The following NLRP8 variants were observed in gnomAD, a reference collection of about 807,000 sequenced individuals.
The protein encoded by NLRP8 is NACHT, LRR and PYD domains-containing protein 8.
A neutral mutation model predicts 88.7 loss-of-function variants in NLRP8; 86 were observed. The ratio of observed to expected loss-of-function variants is 0.97; its 90% CI spans 0.81 to 1.16. NLRP8 has a LOEUF of 1.16. Ranked by LOEUF, NLRP8 falls within the 50% of genes most tolerant of loss-of-function variation. NLRP8 has a pLI of 0.00. For missense variants in NLRP8, 1,342 were observed against 1,286.5 expected (o/e 1.04, Z -0.66); for synonymous variants, 504 against 494.6 (o/e 1.02, Z -0.25).
At chr19:55,986,393 C>G (rs1427527750) in intron 9 of NLRP8, among the ~76,000 whole-genome samples, 1 of 151,518 alleles carries the variant, frequency 6.6e-6, no homozygotes, top group Non-Finnish European at 1.5e-5. Context: ...CTCTCACACA[C>G]ATACACACTG....
intron 5 of NLRP8, among the ~76,000 whole-genome samples, chr19:55,968,502 A>G (rs528866635): frequency 6.6e-6 from 1 of 151,874 alleles, no homozygotes; most frequent in Admixed American, 6.6e-5. Flanking sequence ...ACACTTTGGG[A>G]GGTCAAGGTG....
At chr19:55,964,674 C>G (rs972763415) in intron 4 of NLRP8, among the ~76,000 whole-genome samples, 1 of 151,334 alleles carries the variant, frequency 6.6e-6, no homozygotes, top group African/African-American at 2.4e-5. Flanking sequence ...ATTGCTTGAA[C>G]CTGGGAAGCG....
intron 7 of NLRP8, 124 bp from the exon 8 acceptor site, chr19:55,976,009 C>A: frequency 3.1e-6 from 3 of 971,858 alleles, no homozygotes; most frequent in South Asian, 2.1e-5. Flanking sequence ...ACAAACAAAA[C>A]AAACAAATAA....
rs1043418156 is a variant in NLRP8 at position 55,972,784 on chromosome 19, T to G, written c.2535-868T>G. Among the ~76,000 whole-genome samples the G allele has an allele frequency of 2.0e-5, 3 of 147,024 alleles. No homozygotes were observed. The Admixed American group carries it at 2.1e-4, about 10-fold the overall frequency. ...TGTTCCTTTTTATGGCTGAGTAGTA[T>G]TCCATGGTGTGTGTGTGTGTGTGTA... On this transcript the variant is annotated intron_variant, in intron 6 of 9. Transcript: ENST00000291971.
chr19:55,988,504 C>T lies in NLRP8; in HGVS notation c.*591C>T, dbSNP rs764638054. On this transcript the variant is annotated 3_prime_UTR_variant, in exon 10 of 10. Transcript: ENST00000291971. Reference sequence around the variant, plus strand: ...AGTTTAAATGAAATGCTTTGAGTCACCTAAGACAGGATATAGACAAAGTCT... The same window carrying T: ...AGTTTAAATGAAATGCTTTGAGTCATCTAAGACAGGATATAGACAAAGTCT... The T allele has an allele frequency of 4.8e-5, 7 of 145,394 alleles. No individual in the cohort carries two copies. The highest frequency in any genetic ancestry group is 1.0e-4 in the Non-Finnish European group (7 of 67,108). 9.0% of individuals were successfully genotyped at this position (145,394 alleles called of 1,614,324 possible).
At chr19:55,976,083 T>A in intron 7 of NLRP8, 50 bp from the exon 8 acceptor site, 2 of 1,403,870 alleles carry the variant, frequency 1.4e-6, no homozygotes, top group Non-Finnish European at 1.9e-6. Context: ...GTTGTTGTTG[T>A]TTTGTTGTAG....
At chr19:55,957,660 G>GAA (rs58020055) in intron 3 of NLRP8, among the ~76,000 whole-genome samples, 8 of 93,480 alleles carry the variant, frequency 8.6e-5, no homozygotes, top group African/African-American at 4.5e-4. Flanking sequence ...TCTTAAAAAA[G>GAA]AAAAAATAAT....
chr19:55,965,129 T>G (rs755526157), intron 4 of NLRP8, among the ~76,000 whole-genome samples: 1 of 151,786 alleles, frequency 6.6e-6, no homozygotes, highest in Non-Finnish European at 1.5e-5. Flanking sequence ...CTACAAAAAT[T>G]TTTCTAAAAA....
At chr19:55,950,579 C>T (rs146931005) in intron 1 of NLRP8, among the ~76,000 whole-genome samples, 34 of 152,310 alleles carry the variant, frequency 2.2e-4, no homozygotes, top group African/African-American at 5.8e-4. Flanking sequence ...CAGACAGCAA[C>T]GCAGCAAAAA....
rs1980979303 is a variant in NLRP8, at chr19:55,988,521, A to G, written c.*608A>G. The G allele has an allele frequency of 6.7e-6, 1 of 150,068 alleles. No individual in the cohort carries two copies. The highest frequency in any genetic ancestry group is 2.5e-5 in the African/African-American group (1 of 40,774). 9.3% of individuals were successfully genotyped at this position (150,068 alleles called of 1,614,324 possible). A position where few individuals can be genotyped will look rare whatever the true frequency, so the allele number is the denominator to read the frequency against. On this transcript the variant is annotated 3_prime_UTR_variant, in exon 10 of 10. Coordinates refer to ENST00000291971, the MANE Select transcript of NLRP8 (RefSeq NM_176811.2). Reference sequence around the variant, plus strand: ...TTGAGTCACCTAAGACAGGATATAGACAAAGTCTTCATCGTCTTCTTGCTT... The same window carrying G: ...TTGAGTCACCTAAGACAGGATATAGGCAAAGTCTTCATCGTCTTCTTGCTT...
intron 7 of NLRP8, among the ~76,000 whole-genome samples, 173 bp downstream of exon 7, chr19:55,973,995 T>A (rs1326799787): frequency 6.6e-6 from 1 of 152,152 alleles, no homozygotes; most frequent in African/African-American, 2.4e-5. Flanking sequence ...TTATTTCTGA[T>A]TCAGGGACAA....
rs372725961 is a variant in NLRP8, at chr19:55,948,127, G to A, written c.225G>A (p.Gln75=). 1.8e-5 allele frequency: 29 copies of A among 1,614,070 alleles called. No individual in the cohort carries two copies. The highest frequency in any genetic ancestry group is 8.5e-7 in the Non-Finnish European group (1 of 1,180,042). The change falls in exon 1 of 10, where the codon CAG becomes CAA. Residue 75 remains glutamine (Q), a synonymous_variant. Coordinates refer to ENST00000291971, the MANE Select transcript of NLRP8 (RefSeq NM_176811.2). ...GCACCATGCCCATCACCTGGGACCA[G>A]GTCGAGACAGCCAGCTGGGCAGAGG...
At chr19:55,968,018 G>C (rs935060235) in intron 5 of NLRP8, among the ~76,000 whole-genome samples, 2 of 152,234 alleles carry the variant, frequency 1.3e-5, no homozygotes, top group Non-Finnish European at 2.9e-5. Flanking sequence ...AAGGCTGCCG[G>C]AGTTCGTAGG....
chr19:55,951,784 C>CT (rs1487990356), intron 1 of NLRP8, among the ~76,000 whole-genome samples: 1 of 152,204 alleles, frequency 6.6e-6, no homozygotes, highest in Non-Finnish European at 1.5e-5. Context: ...AGGTCTTACT[C>CT]TATTACCCAG....
Position 55,973,672 on chromosome 19 carries a change from C to G in NLRP8, c.2555C>G (p.Thr852Arg). 1 of 1,613,032 alleles carries G rather than the reference C, an allele frequency of 6.2e-7. No homozygotes were observed. The highest frequency in any genetic ancestry group is 8.5e-7 in the Non-Finnish European group (1 of 1,179,284). ...CATAGGATAGAGAACTGCAACCTTACACAGCTTACTTGTGAAAGCCTTGCC... is the reference window on the plus strand; with the variant it reads ...CATAGGATAGAGAACTGCAACCTTAGACAGCTTACTTGTGAAAGCCTTGCC... Residue 852 changes from threonine (T) to arginine (R), a missense_variant, in exon 7 of 10, where the codon ACA (threonine) becomes AGA (arginine). Transcript: ENST00000291971.
Position 55,988,164 on chromosome 19 carries a change from G to A in NLRP8, c.*251G>A, listed in dbSNP as rs969996548. On this transcript the variant is annotated 3_prime_UTR_variant, in exon 10 of 10. Coordinates refer to ENST00000291971, the MANE Select transcript of NLRP8 (RefSeq NM_176811.2). ...CCCAGCACTATGGGAGGTCGAGGTGGGCAGATTACCTGAGGTCAGGAGTTC... is the reference window on the plus strand; with the variant it reads ...CCCAGCACTATGGGAGGTCGAGGTGAGCAGATTACCTGAGGTCAGGAGTTC... The A allele has an allele frequency of 3.7e-5, 10 of 272,490 alleles. No individual in the cohort carries two copies. The highest frequency in any genetic ancestry group is 6.3e-5 in the Non-Finnish European group (9 of 142,596). 16.9% of individuals were successfully genotyped at this position (272,490 alleles called of 1,614,324 possible). A position where few individuals can be genotyped will look rare whatever the true frequency, so the allele number is the denominator to read the frequency against.
In NLRP8 at chr19:55,948,058, G is replaced by A; in HGVS notation, c.156G>A (p.Glu52=). 6.2e-7 allele frequency: 1 copy of A among 1,614,078 alleles called. No homozygotes were observed. Among genetic ancestry groups the A allele is most frequent in the Non-Finnish European group, 8.5e-7 (1 of 1,180,008 alleles). The change falls in exon 1 of 10, where the codon GAG becomes GAA. Residue 52 remains glutamate (E), a synonymous_variant. Coordinates refer to ENST00000291971, the MANE Select transcript of NLRP8 (RefSeq NM_176811.2). Reference sequence around the variant, plus strand: ...ACATGAGAAACGTGAGCCATGAGGAGCTACAACGGTTCAAGCAGCTCTTAC... The same window carrying A: ...ACATGAGAAACGTGAGCCATGAGGAACTACAACGGTTCAAGCAGCTCTTAC...
chr19:55,980,588 G>A (rs12611132), intron 9 of NLRP8, among the ~76,000 whole-genome samples: 19,082 of 145,168 alleles, frequency 0.13, 1,477 homozygotes, highest in East Asian at 0.22. Context: ...TGTGGGCGGC[G>A]GGGGGGCCTC....
intron 5 of NLRP8, 137 bp from the exon 6 acceptor site, chr19:55,970,407 T>C (rs1024259828): frequency 7.1e-6 from 7 of 979,672 alleles, no homozygotes; most frequent in Non-Finnish European, 1.0e-5. Context: ...GGTGCAGGTG[T>C]GCTGGCCGGA....
Sources: allele counts gnomAD v4.1 joint callset (sites outside exome capture counted in the v4.1 genomes callset), GRCh38; gene constraint gnomAD v4.1.1; transcripts MANE v1.5; gene names NCBI Gene and HGNC (gene_info 2026-07-23, HGNC 2026-07-21).